The following CRLF3 variants were observed in gnomAD, a reference collection of about 807,000 sequenced individuals.
CRLF3 encodes the protein cytokine receptor like factor 3.
In CRLF3, 33 loss-of-function variants were observed where a neutral mutation model predicts 55.0. The observed-to-expected ratio is 0.60, with a 90% CI of 0.46 to 0.80. The LOEUF is 0.80. Ranked by LOEUF, CRLF3 falls within the 30% of genes least tolerant of loss-of-function variation. The pLI, the probability that CRLF3 is intolerant of heterozygous loss-of-function variation, is 0.00. For synonymous variants in CRLF3, 238 were observed against 196.8 expected, an observed-to-expected ratio of 1.21 and a Z score of -1.75; for missense variants, 494 against 538.4, an observed-to-expected ratio of 0.92 and a Z score of 0.82.
Position 30,784,228 on chromosome 17 carries a change from A to G in CRLF3, c.1288T>C (p.Cys430Arg). The change falls in exon 8 of 8, where the codon TGC becomes CGC. Residue 430 changes from cysteine to arginine, a missense_variant. Cys to Arg is a radical substitution (Grantham distance 180). Transcript: ENST00000324238. ...TTCCATCCAGGATAGAAAAATGAGC[A>G]TCCAAAGTAAAGAGAACCACAAGAC... is the stretch of plus-strand genomic sequence containing the variant. ...DQSCGSLYFG[C>R]SFFYPGWKVL... 6.2e-7 allele frequency: 1 copy of G among 1,614,092 alleles called. No individual in the cohort carries two copies. The highest frequency in any genetic ancestry group is 8.5e-7 in the Non-Finnish European group (1 of 1,179,988).
chr17:30,811,208 A>G lies in CRLF3; in HGVS notation c.130-7100T>C, dbSNP rs1004482585. Among the ~76,000 whole-genome samples, 12 of 152,148 alleles carry G rather than the reference A, an allele frequency of 7.9e-5. 1 individual carries two copies. The South Asian group carries it at 2.1e-3, about 26-fold the overall frequency. On this transcript the variant is annotated intron_variant, in intron 1 of 7. Transcript: ENST00000324238. ...AGTGGCTTACGCCTGTAATCCTAGG[A>G]TTTTGGGAGGCTGAGGCAGGTGGAT...
chr17:30,789,756 T>C (rs536263020), intron 6 of CRLF3, among the ~76,000 whole-genome samples: 1 of 152,276 alleles, frequency 6.6e-6, no homozygotes, highest in South Asian at 2.1e-4. Context: ...ACATAGTAAA[T>C]ACTGTTTAAA....
In CRLF3 at chr17:30,784,021, C is replaced by T. The variant is rs563511410; in HGVS notation, c.*166G>A. On this transcript the variant is annotated 3_prime_UTR_variant, in exon 8 of 8. Transcript: ENST00000324238. ...CTGAATTGTATGATTTTGTCCACAACATTGAAGTCTCTTTTTGCTAAAATA... is the reference window on the plus strand; with the variant it reads ...CTGAATTGTATGATTTTGTCCACAATATTGAAGTCTCTTTTTGCTAAAATA... 6.3e-5 allele frequency: 38 copies of T among 602,128 alleles called. No individual in the cohort carries two copies. Among genetic ancestry groups the T allele is most frequent in the Non-Finnish European group, 1.0e-4 (35 of 345,698 alleles). The allele number at this position is 602,128 out of a possible 1,614,324, so 37.3% of individuals were successfully genotyped here.
At chr17:30,795,525 A>C (rs1264596251) in intron 4 of CRLF3, among the ~76,000 whole-genome samples, 1 of 132,962 alleles carries the variant, frequency 7.5e-6, no homozygotes, top group Non-Finnish European at 1.6e-5. Context: ...AATGTCAGCC[A>C]GGCGGAGTGG....
chr17:30,796,157 T>C lies in CRLF3; in HGVS notation c.603+3A>G. On this transcript the variant is annotated splice_donor_region_variant and intron_variant, in intron 4 of 7. Coordinates refer to ENST00000324238, the MANE Select transcript of CRLF3 (RefSeq NM_015986.4). ...GTCATTTCTAGAATTCTGAATTACA[T>C]ACCTTACACCATCGTACAATGATGC... 4 of 1,589,304 alleles carry C rather than the reference T, an allele frequency of 2.5e-6. No homozygotes were observed. Among genetic ancestry groups the C allele is most frequent in the Non-Finnish European group, 3.4e-6 (4 of 1,167,184 alleles).
chr17:30,793,565 CA>C lies in CRLF3; in HGVS notation c.710del (p.Leu237CysfsTer3), dbSNP rs1472669438. ...YVGSETEFIVLHIDPNVDYQF... is the reference protein window; with the variant it reads ...YVGSETEFIVXHIDPNVDYQF... Reference sequence around the variant, plus strand: ...GGTAATCAACGTTGGGGTCTATGTGCAATACTATGAATTCAGTTTCAGAACC... The same window carrying C: ...GGTAATCAACGTTGGGGTCTATGTGCATACTATGAATTCAGTTTCAGAACC... On this transcript the variant is annotated frameshift_variant, in exon 5 of 8. Coordinates refer to ENST00000324238, the MANE Select transcript of CRLF3 (RefSeq NM_015986.4). LOFTEE classifies it high-confidence loss of function. 2 of 1,613,896 alleles carry C rather than the reference CA, an allele frequency of 1.2e-6. No individual in the cohort carries two copies. Among genetic ancestry groups the C allele is most frequent in the African/African-American group, 2.7e-5 (2 of 74,890 alleles).
In CRLF3 at chr17:30,824,627, G is replaced by A. The variant is rs765821824; in HGVS notation, c.25C>T (p.Pro9Ser). The A allele has an allele frequency of 3.1e-6, 5 of 1,601,854 alleles. No individual in the cohort carries two copies. The South Asian group carries it at 5.5e-5, about 18-fold the overall frequency. ...CGGGCCTCCTGCAACAGCAGCTCAG[G>A]CTCCAGCTCCATCGCCCCCCTCATC... is the stretch of plus-strand genomic sequence containing the variant. MRGAMELE[P>S]ELLLQEAREN... is the part of the protein sequence containing the mutation. The change falls in exon 1 of 8, where the codon CCT becomes TCT. Residue 9 changes from proline to serine, a missense_variant. By Grantham distance (74) the Pro-to-Ser change is moderately conservative. Coordinates refer to ENST00000324238, the MANE Select transcript of CRLF3 (RefSeq NM_015986.4).
intron 2 of CRLF3, among the ~76,000 whole-genome samples, chr17:30,801,676 C>T (rs1002015621): frequency 2.6e-5 from 4 of 152,058 alleles, no homozygotes; most frequent in African/African-American, 9.7e-5. Context: ...AGTGATCCTC[C>T]CATCTTGACA....
At chr17:30,817,579 T>A (rs529828726) in intron 1 of CRLF3, among the ~76,000 whole-genome samples, 2 of 152,218 alleles carry the variant, frequency 1.3e-5, no homozygotes, top group African/African-American at 4.8e-5. Flanking sequence ...GTCTCTCAAC[T>A]TTGCAGAATA....
At chr17:30,787,808 C>T (rs943028806) in intron 6 of CRLF3, 1 of 151,524 alleles carries the variant, frequency 6.6e-6, no homozygotes, top group African/African-American at 2.4e-5. Context: ...CAAGACCACC[C>T]TAGGCAACAT....
At chr17:30,785,817 TTTTCTC>T in intron 7 of CRLF3, 96 bp downstream of exon 7, 1 of 613,146 alleles carries the variant, frequency 1.6e-6, no homozygotes, top group Non-Finnish European at 2.8e-6. Context: ...AATACCTAAA[TTTTCTC>T]ATCTCCTACT....
intron 1 of CRLF3, among the ~76,000 whole-genome samples, chr17:30,806,727 G>A (rs574185356): frequency 6.6e-6 from 1 of 152,206 alleles, no homozygotes; most frequent in African/African-American, 2.4e-5. Context: ...TTGAACTCCT[G>A]GGCTCAGGTG....
chr17:30,808,241 A>AT (rs1451579700), intron 1 of CRLF3, among the ~76,000 whole-genome samples: 6 of 145,460 alleles, frequency 4.1e-5, no homozygotes, highest in African/African-American at 1.5e-4. Context: ...CAGAACATGA[A>AT]TTTTTTTTCT....
At position 30,792,721 on chromosome 17, in the gene CRLF3, T is replaced by C. The variant is rs552943157; in HGVS notation, c.827-149A>G. 186 of 594,546 alleles carry C rather than the reference T, an allele frequency of 3.1e-4. 2 individuals are homozygous for C. The South Asian group carries it at 5.0e-3, about 16-fold the overall frequency. 36.8% of individuals were successfully genotyped at this position (594,546 alleles called of 1,614,324 possible). A position where few individuals can be genotyped will look rare whatever the true frequency, so the allele number is the denominator to read the frequency against. On this transcript the variant is annotated intron_variant, in intron 5 of 7. Coordinates refer to ENST00000324238, the MANE Select transcript of CRLF3 (RefSeq NM_015986.4). The stretch of plus-strand genomic sequence containing the variant: ...AATAAAAGATTCCATTAACAGGGTA[T>C]CATGATCAGTCCCACAAATTACAAA...
At position 30,784,082 on chromosome 17, in the gene CRLF3, C is replaced by A; in HGVS notation, c.*105G>T. 9.9e-7 allele frequency: 1 copy of A among 1,010,140 alleles called. No homozygotes were observed. The highest frequency in any genetic ancestry group is 1.5e-6 in the Non-Finnish European group (1 of 686,018). The allele number at this position is 1,010,140 out of a possible 1,614,324, so 62.6% of individuals were successfully genotyped here. On this transcript the variant is annotated 3_prime_UTR_variant, in exon 8 of 8. Transcript: ENST00000324238. ...AATCCAGTAAACACTTTCCAATGGC[C>A]TAAGTTAGAGATGAATTCAACTTTT...
intron 1 of CRLF3, among the ~76,000 whole-genome samples, chr17:30,821,970 C>T (rs1905009494): frequency 6.7e-6 from 1 of 149,598 alleles, no homozygotes; most frequent in South Asian, 2.1e-4. Flanking sequence ...CCTGTAATTC[C>T]ATCACCGGAA....
chr17:30,796,293 G>C lies in CRLF3; in HGVS notation c.470C>G (p.Ala157Gly). 3.7e-6 allele frequency: 6 copies of C among 1,613,996 alleles called. No homozygotes were observed. The South Asian group carries it at 6.6e-5, about 18-fold the overall frequency. The change falls in exon 4 of 8, where the codon GCT becomes GGT. Residue 157 changes from alanine to glycine, a missense_variant. Ala to Gly is a moderately conservative substitution (Grantham distance 60). Transcript: ENST00000324238. The stretch of plus-strand genomic sequence containing the variant: ...GTTAAGAATTGAGTCATCCAACTGA[G>C]CAGATAAACAAGGCACATCAACCAG... ...PLLVDVPCLS[A>G]QLDDSILNIV...
chr17:30,818,896 A>C (rs1389764551), intron 1 of CRLF3, among the ~76,000 whole-genome samples: 1 of 150,666 alleles, frequency 6.6e-6, no homozygotes, highest in African/African-American at 2.4e-5. Context: ...GCTCACTGCA[A>C]CCTCCATCTC....
At chr17:30,809,184 A>C (rs1290554482) in intron 1 of CRLF3, among the ~76,000 whole-genome samples, 1 of 152,212 alleles carries the variant, frequency 6.6e-6, no homozygotes, top group Non-Finnish European at 1.5e-5. Flanking sequence ...AGAAAAAAGG[A>C]AGTAAGTGAA....
Sources: allele counts gnomAD v4.1 joint callset (sites outside exome capture counted in the v4.1 genomes callset), GRCh38; gene constraint gnomAD v4.1.1; transcripts MANE v1.5; gene names NCBI Gene and HGNC (gene_info 2026-07-23, HGNC 2026-07-21).